LRRC4C: variants seen among roughly 807,000 people sequenced by gnomAD.
The protein encoded by LRRC4C is leucine-rich repeat-containing protein 4C.
A neutral mutation model predicts 33.6 loss-of-function variants in LRRC4C; 5 were observed. The observed-to-expected ratio is 0.15, with a 90% CI of 0.08 to 0.31. The LOEUF (loss-of-function observed/expected upper bound fraction) is 0.31. LRRC4C is among the 10% of genes least tolerant of loss of function. The probability of loss-of-function intolerance (pLI) is 1.00; values close to 1 mark genes in which losing one functional copy is unlikely to be tolerated. For synonymous variants in LRRC4C, 329 were observed against 302.0 expected, an observed-to-expected ratio of 1.09 and a Z score of -0.93; for missense variants, 560 against 796.7, an observed-to-expected ratio of 0.70 and a Z score of 3.58.
intron 4 of LRRC4C, among the ~76,000 whole-genome samples, chr11:40,272,591 T>C (rs1942790013): frequency 6.6e-6 from 1 of 152,108 alleles, no homozygotes; most frequent in African/African-American, 2.4e-5. Context: ...CACTTTATTT[T>C]ACATTTTTAA....
intron 3 of LRRC4C, among the ~76,000 whole-genome samples, chr11:40,564,431 A>C (rs1244024132): frequency 1.3e-5 from 2 of 152,144 alleles, no homozygotes; most frequent in Non-Finnish European, 1.5e-5. Context: ...AGTCCATCGT[A>C]AATGCACTGG....
At chr11:40,563,735 G>C (rs1223385773) in intron 3 of LRRC4C, among the ~76,000 whole-genome samples, 5 of 152,078 alleles carry the variant, frequency 3.3e-5, no homozygotes, top group Non-Finnish European at 5.9e-5. Flanking sequence ...ACACGAAATG[G>C]GAACACCTGG....
intron 3 of LRRC4C, among the ~76,000 whole-genome samples, chr11:40,451,579 G>A (rs1294372635): frequency 6.6e-6 from 1 of 151,378 alleles, no homozygotes; most frequent in Non-Finnish European, 1.5e-5. Flanking sequence ...AGAGATGGGG[G>A]TTTCACTATG....
chr11:40,347,059 A>G (rs1947169132), intron 3 of LRRC4C, among the ~76,000 whole-genome samples: 1 of 152,206 alleles, frequency 6.6e-6, no homozygotes, highest in African/African-American at 2.4e-5. Flanking sequence ...GAAGCCAGGC[A>G]TTGACTTCTC....
At chr11:40,596,005 T>C (rs1237890741) in intron 3 of LRRC4C, among the ~76,000 whole-genome samples, 2 of 152,146 alleles carry the variant, frequency 1.3e-5, no homozygotes, top group Non-Finnish European at 2.9e-5. Context: ...ATTAGATGTC[T>C]GTCCTCGCGA....
At chr11:40,754,503 G>A (rs932487746) in intron 2 of LRRC4C, among the ~76,000 whole-genome samples, 23 of 152,168 alleles carry the variant, frequency 1.5e-4, no homozygotes, top group African/African-American at 3.9e-4. Flanking sequence ...TATGTTCAGC[G>A]TCTTGTTGAG....
chr11:41,318,112 C>T (rs746725696), intron 1 of LRRC4C, among the ~76,000 whole-genome samples: 48 of 152,028 alleles, frequency 3.2e-4, no homozygotes, highest in Non-Finnish European at 1.0e-4. Context: ...TTGGAAAAAT[C>T]AAGTTATGAA....
At chr11:40,536,373 T>C (rs1158159193) in intron 3 of LRRC4C, among the ~76,000 whole-genome samples, 1 of 152,116 alleles carries the variant, frequency 6.6e-6, no homozygotes, top group Non-Finnish European at 1.5e-5. Flanking sequence ...TTTGTATTTT[T>C]AGTAGAGACG....
At chr11:40,738,343 C>G (rs1947989320) in intron 2 of LRRC4C, among the ~76,000 whole-genome samples, 1 of 152,088 alleles carries the variant, frequency 6.6e-6, no homozygotes, top group Non-Finnish European at 1.5e-5. Flanking sequence ...TTTTGTGGGA[C>G]TTCCCAGCCT....
intron 1 of LRRC4C, among the ~76,000 whole-genome samples, chr11:41,445,127 C>T (rs1955780183): frequency 1.3e-5 from 2 of 152,082 alleles, no homozygotes; most frequent in Admixed American, 6.6e-5. Flanking sequence ...TATTCTTTTC[C>T]CCTTAGCTCC....
intron 2 of LRRC4C, among the ~76,000 whole-genome samples, chr11:40,881,019 C>A (rs1279628141): frequency 6.6e-6 from 1 of 151,788 alleles, no homozygotes; most frequent in African/African-American, 2.4e-5. Flanking sequence ...TTGCTTATTG[C>A]ATTATGAGAG....
At chr11:41,114,418 T>C (rs1942010795) in intron 1 of LRRC4C, among the ~76,000 whole-genome samples, 2 of 152,098 alleles carry the variant, frequency 1.3e-5, no homozygotes, top group South Asian at 2.1e-4. Context: ...ACTTGATATA[T>C]AACTAATCTA....
At chr11:40,484,638 C>A (rs986588188) in intron 3 of LRRC4C, among the ~76,000 whole-genome samples, 4 of 151,928 alleles carry the variant, frequency 2.6e-5, no homozygotes, top group African/African-American at 9.7e-5. Flanking sequence ...CTTTATCAAA[C>A]TATTTAAATG....
intron 1 of LRRC4C, among the ~76,000 whole-genome samples, chr11:40,951,434 T>C (rs543880379): frequency 5.9e-5 from 9 of 151,670 alleles, no homozygotes; most frequent in Admixed American, 5.9e-4. Flanking sequence ...AAAAAAAAAA[T>C]TCCTGATGCA....
chr11:40,569,932 AC>A (rs1349646745), intron 3 of LRRC4C, among the ~76,000 whole-genome samples: 1 of 152,124 alleles, frequency 6.6e-6, no homozygotes, highest in Non-Finnish European at 1.5e-5. Flanking sequence ...TAAAAGGTTT[AC>A]CGAGTAAAAA....
At chr11:41,057,243 C>G (rs1211618294) in intron 1 of LRRC4C, among the ~76,000 whole-genome samples, 1 of 152,208 alleles carries the variant, frequency 6.6e-6, no homozygotes, top group Non-Finnish European at 1.5e-5. Context: ...CCTGGGTACT[C>G]TCACAGCCCA....
chr11:40,949,201 A>C (rs1352093752), intron 1 of LRRC4C, among the ~76,000 whole-genome samples: 3 of 151,880 alleles, frequency 2.0e-5, no homozygotes, highest in Admixed American at 2.0e-4. Flanking sequence ...CTTCGCCCAC[A>C]TTTTGATGGG....
chr11:41,291,273 G>A (rs974187758), intron 1 of LRRC4C, among the ~76,000 whole-genome samples: 2 of 152,094 alleles, frequency 1.3e-5, no homozygotes. Context: ...ATTGATATTA[G>A]ATAGATTGCT....
At chr11:40,687,398 T>C (rs2136374706) in intron 2 of LRRC4C, among the ~76,000 whole-genome samples, 1 of 152,210 alleles carries the variant, frequency 6.6e-6, no homozygotes. Context: ...TGTATATCTA[T>C]CTATTAGATA....
Sources: allele counts gnomAD v4.1 joint callset (sites outside exome capture counted in the v4.1 genomes callset), GRCh38; gene constraint gnomAD v4.1.1; transcripts MANE v1.5; gene names NCBI Gene and HGNC (gene_info 2026-07-23, HGNC 2026-07-21).